CTNND2: variants seen among roughly 807,000 people sequenced by gnomAD.
CTNND2 encodes catenin delta-2.
Under a neutral mutation model 144.4 loss-of-function variants are expected in CTNND2, and 22 were observed. The ratio of observed to expected loss-of-function variants is 0.15; its 90% CI spans 0.11 to 0.22. The LOEUF (loss-of-function observed/expected upper bound fraction) is 0.22. Ranked by LOEUF, CTNND2 falls within the 10% of genes least tolerant of loss-of-function variation. The pLI is 1.00. For missense variants in CTNND2, 1,353 were observed against 1,618.8 expected (o/e 0.84, Z 2.82); for synonymous variants, 751 against 695.6 (o/e 1.08, Z -1.25).
chr5:11,592,224 C>G (rs1215305422), intron 2 of CTNND2, among the ~76,000 whole-genome samples: 2 of 143,670 alleles, frequency 1.4e-5, no homozygotes, highest in African/African-American at 5.2e-5. Flanking sequence ...TCCAGTCTGC[C>G]TTCCTGCCTG....
chr5:11,249,979 T>C (rs941464044), intron 9 of CTNND2, among the ~76,000 whole-genome samples: 4 of 152,230 alleles, frequency 2.6e-5, no homozygotes, highest in African/African-American at 9.6e-5. Flanking sequence ...AGTGTCCAAG[T>C]GTCCATTCAT....
chr5:11,198,790 G>A (rs553245262), intron 11 of CTNND2, among the ~76,000 whole-genome samples: 1 of 152,312 alleles, frequency 6.6e-6, no homozygotes, highest in South Asian at 2.1e-4. Context: ...TTTTAAAAGG[G>A]AGGGATGACA....
At chr5:11,810,020 T>C (rs1792234313) in intron 1 of CTNND2, among the ~76,000 whole-genome samples, 1 of 152,178 alleles carries the variant, frequency 6.6e-6, no homozygotes, top group Non-Finnish European at 1.5e-5. Flanking sequence ...ATACCTTACT[T>C]TTTAATTATT....
chr5:11,465,837 T>C (rs1766621345), intron 3 of CTNND2, among the ~76,000 whole-genome samples: 1 of 152,154 alleles, frequency 6.6e-6, no homozygotes, highest in South Asian at 2.1e-4. Flanking sequence ...TTGCAGTAAT[T>C]TACTTGGCTT....
chr5:11,001,340 G>A (rs1295281081), intron 18 of CTNND2, among the ~76,000 whole-genome samples: 1 of 152,126 alleles, frequency 6.6e-6, no homozygotes, highest in African/African-American at 2.4e-5. Flanking sequence ...AATGCAACCA[G>A]TTTTCTTTCC....
At chr5:11,316,923 C>T (rs1751569536) in intron 9 of CTNND2, among the ~76,000 whole-genome samples, 1 of 152,120 alleles carries the variant, frequency 6.6e-6, no homozygotes, top group East Asian at 1.9e-4. Flanking sequence ...CAAGTCTTTG[C>T]TATTGTGAAT....
rs529494109 is a variant in CTNND2 at position 11,858,429 on chromosome 5, T to C, written c.37+45388A>G. ...GTTCATAAGGTAACTAAACCCAAAATTGCTGCTGCAAATGTAAGGTTATAA... is the reference window on the plus strand; with the variant it reads ...GTTCATAAGGTAACTAAACCCAAAACTGCTGCTGCAAATGTAAGGTTATAA... On this transcript the variant is annotated intron_variant, in intron 1 of 21. Coordinates refer to ENST00000304623, the MANE Select transcript of CTNND2 (RefSeq NM_001332.4). 4.6e-5 allele frequency among the ~76,000 whole-genome samples: 7 copies of C among 152,252 alleles called. No homozygotes were observed. In the East Asian group the frequency reaches 7.7e-4, roughly 17 times the overall value.
At chr5:11,426,163 C>T (rs112895353) in intron 3 of CTNND2, among the ~76,000 whole-genome samples, 1 of 152,300 alleles carries the variant, frequency 6.6e-6, no homozygotes, top group East Asian at 1.9e-4. Flanking sequence ...TACCAAACCG[C>T]ACTGTTGTAG....
At chr5:11,498,709 G>A (rs1770231214) in intron 3 of CTNND2, among the ~76,000 whole-genome samples, 1 of 152,158 alleles carries the variant, frequency 6.6e-6, no homozygotes, top group Non-Finnish European at 1.5e-5. Flanking sequence ...CGTATAGCTA[G>A]ATAATTTTTA....
intron 11 of CTNND2, among the ~76,000 whole-genome samples, chr5:11,166,918 A>G (rs973610933): frequency 6.6e-6 from 1 of 152,212 alleles, no homozygotes. Flanking sequence ...TAAAGCGTTT[A>G]TCTTGAGTCG....
intron 1 of CTNND2, among the ~76,000 whole-genome samples, chr5:11,737,036 A>G (rs1162272515): frequency 1.3e-5 from 2 of 152,116 alleles, no homozygotes; most frequent in African/African-American, 4.8e-5. Context: ...TGTCTTTTAT[A>G]TGTGATTTTT....
At chr5:11,284,729 T>C (rs1180959052) in intron 9 of CTNND2, among the ~76,000 whole-genome samples, 1 of 152,246 alleles carries the variant, frequency 6.6e-6, no homozygotes, top group Non-Finnish European at 1.5e-5. Flanking sequence ...AACATACATG[T>C]ACATGTGTCT....
intron 1 of CTNND2, among the ~76,000 whole-genome samples, chr5:11,899,547 G>A (rs991170330): frequency 3.3e-5 from 5 of 152,234 alleles, no homozygotes; most frequent in African/African-American, 7.2e-5. Flanking sequence ...TACAATAGGG[G>A]TTGGGGTAGG....
chr5:11,633,630 G>A (rs543558702), intron 2 of CTNND2, among the ~76,000 whole-genome samples: 7 of 151,972 alleles, frequency 4.6e-5, no homozygotes, highest in East Asian at 1.9e-4. Context: ...ACAAAAATTA[G>A]CCAGGCATAG....
At chr5:11,223,516 T>G (rs905468832) in intron 10 of CTNND2, among the ~76,000 whole-genome samples, 2 of 152,186 alleles carry the variant, frequency 1.3e-5, no homozygotes, top group Admixed American at 6.5e-5. Flanking sequence ...CCTGTTAAAC[T>G]TCTAAATGGA....
At chr5:11,741,252 T>G (rs754218180) in intron 1 of CTNND2, among the ~76,000 whole-genome samples, 20 of 152,252 alleles carry the variant, frequency 1.3e-4, no homozygotes, top group Non-Finnish European at 2.8e-4. Context: ...CATTCTACTA[T>G]AAAGACACAT....
intron 2 of CTNND2, among the ~76,000 whole-genome samples, chr5:11,682,758 G>A (rs764295723): frequency 2.0e-5 from 3 of 152,152 alleles, no homozygotes; most frequent in Non-Finnish European, 4.4e-5. Flanking sequence ...AAGGGTCCTT[G>A]CTCTTGGATG....
chr5:11,186,820 T>C (rs1369112788), intron 11 of CTNND2, among the ~76,000 whole-genome samples: 9 of 152,174 alleles, frequency 5.9e-5, no homozygotes, highest in Admixed American at 2.6e-4. Context: ...AAATCACTGG[T>C]GTAAAGCAGA....
At chr5:11,807,452 G>A (rs6554645) in intron 1 of CTNND2, among the ~76,000 whole-genome samples, 15,144 of 152,108 alleles carry the variant, frequency 0.1, 1,787 homozygotes, top group African/African-American at 0.28. Context: ...GTGATATTCA[G>A]AAGGCTGCTT....
Sources: allele counts gnomAD v4.1 joint callset (sites outside exome capture counted in the v4.1 genomes callset), GRCh38; gene constraint gnomAD v4.1.1; transcripts MANE v1.5; gene names NCBI Gene and HGNC (gene_info 2026-07-23, HGNC 2026-07-21).